Variants in PAX3 observed in about 807,000 individuals in gnomAD.
The protein encoded by PAX3 is paired box 3.
Under a neutral mutation model 51.6 loss-of-function variants are expected in PAX3, and 14 were observed. The observed-to-expected ratio is 0.27, with a 90% CI of 0.18 to 0.42. The LOEUF is 0.42. Among genes scored for constraint, PAX3 ranks in the 10% least tolerant of loss-of-function variants. The pLI, the probability that PAX3 is intolerant of heterozygous loss-of-function variation, is 1.00. For synonymous variants in PAX3, 280 were observed against 253.4 expected (o/e 1.11, Z -1.00); for missense variants, 540 against 642.8 (o/e 0.84, Z 1.73).
intron 4 of PAX3, among the ~76,000 whole-genome samples, chr2:222,235,128 TA>T (rs1450804615): frequency 6.6e-6 from 1 of 152,198 alleles, no homozygotes; most frequent in East Asian, 1.9e-4. Flanking sequence ...TCAGATCAAT[TA>T]ATCAAAATCG....
intron 5 of PAX3, among the ~76,000 whole-genome samples, chr2:222,228,515 G>A (rs766408505): frequency 1.4e-4 from 22 of 152,108 alleles, no homozygotes; most frequent in Non-Finnish European, 3.2e-4. Context: ...TTTTGACAAA[G>A]GCAGGAATGA....
rs3832105 is a variant in PAX3 at position 222,201,298 on chromosome 2, A to ACCCC, written c.*106_*109dup. On this transcript the variant is annotated 3_prime_UTR_variant, in exon 9 of 9. Transcript: ENST00000392070. Reference sequence around the variant, plus strand: ...TGTCTCCTATTGGGACCACTGCCCCACCCCCCCCAACAAAAGGGTAATTTT... The same window carrying ACCCC: ...TGTCTCCTATTGGGACCACTGCCCCACCCCCCCCCCCCAACAAAAGGGTAATTTT... The ACCCC allele has an allele frequency of 1.3e-6, 2 of 1,598,666 alleles. No homozygotes were observed. The highest frequency in any genetic ancestry group is 2.7e-5 in the African/African-American group (2 of 72,828).
intron 4 of PAX3, among the ~76,000 whole-genome samples, chr2:222,273,840 A>G (rs45476500): frequency 0.011 from 1,679 of 152,280 alleles, 30 homozygotes; most frequent in African/African-American, 0.038. Flanking sequence ...ATCAAATAAA[A>G]ATTCGACTAA....
chr2:222,256,738 C>T (rs181483650), intron 4 of PAX3, among the ~76,000 whole-genome samples: 109 of 152,274 alleles, frequency 7.2e-4, no homozygotes, highest in Non-Finnish European at 1.4e-3. Flanking sequence ...TCATGTTATG[C>T]TTCAATGACA....
chr2:222,279,883 A>G (rs1474488073), intron 4 of PAX3, among the ~76,000 whole-genome samples: 1 of 152,152 alleles, frequency 6.6e-6, no homozygotes, highest in Non-Finnish European at 1.5e-5. Context: ...TGGTCTCCTT[A>G]TCTGACCAAG....
intron 5 of PAX3, 34 bp from the exon 6 acceptor site, chr2:222,221,421 TGATGAAATAATAGTACATTCTTAATG>T (rs759048827): frequency 6.3e-7 from 1 of 1,576,132 alleles, no homozygotes; most frequent in African/African-American, 1.3e-5. Flanking sequence ...AGGATTTCAC[TGATGAAATAATAGTACATTCTTAATG>T]AATTTTTTAT....
intron 4 of PAX3, among the ~76,000 whole-genome samples, chr2:222,292,484 T>C (rs1695078748): frequency 6.6e-6 from 1 of 152,214 alleles, no homozygotes; most frequent in South Asian, 2.1e-4. Flanking sequence ...CCAGCTCATT[T>C]GGGACGTTTT....
Position 222,201,350 on chromosome 2 carries a change from T to G in PAX3, c.*58A>C. Reference sequence around the variant, plus strand: ...TTTTGTTTTCAGAGCAGATTCTTCATATCTAGGCTGCGAAGACCAGAAACA... The same window carrying G: ...TTTTGTTTTCAGAGCAGATTCTTCAGATCTAGGCTGCGAAGACCAGAAACA... On this transcript the variant is annotated 3_prime_UTR_variant, in exon 9 of 9. Transcript: ENST00000392070. 1 of 1,611,234 alleles carries G rather than the reference T, an allele frequency of 6.2e-7. No homozygotes were observed. The highest frequency in any genetic ancestry group is 1.1e-5 in the South Asian group (1 of 90,986).
chr2:222,235,569 T>C (rs1211546617), intron 4 of PAX3, among the ~76,000 whole-genome samples: 1 of 152,166 alleles, frequency 6.6e-6, no homozygotes, highest in Non-Finnish European at 1.5e-5. Flanking sequence ...CAGAGGATTG[T>C]GGGCTTTTTT....
At chr2:222,237,900 A>G (rs1692860022) in intron 4 of PAX3, among the ~76,000 whole-genome samples, 1 of 152,238 alleles carries the variant, frequency 6.6e-6, no homozygotes, top group Non-Finnish European at 1.5e-5. Context: ...AACTGGAAAC[A>G]TATCAGGATA....
In PAX3 at chr2:222,259,010, C is replaced by T. The variant is rs1693748406; in HGVS notation, c.587-26727G>A. ...GTGGAGTGAGCTACTAAGCCAGCGT[C>T]AACAAGAAGACTAGAATTAAGAAAC... On this transcript the variant is annotated intron_variant, in intron 4 of 8. Transcript: ENST00000392070. 2.0e-5 allele frequency among the ~76,000 whole-genome samples: 3 copies of T among 152,078 alleles called. No homozygotes were observed. The South Asian group carries it at 6.2e-4, about 32-fold the overall frequency.
rs762770074 is a variant in PAX3, at chr2:222,297,311, C to T, written c.86-98G>A. 4.5e-6 allele frequency: 4 copies of T among 883,178 alleles called. No homozygotes were observed. In the South Asian group the frequency reaches 5.7e-5, roughly 13 times the overall value. 54.7% of individuals were successfully genotyped at this position (883,178 alleles called of 1,614,324 possible). A position where few individuals can be genotyped will look rare whatever the true frequency, so the allele number is the denominator to read the frequency against. On this transcript the variant is annotated intron_variant, in intron 1 of 8. Coordinates refer to ENST00000392070, the MANE Select transcript of PAX3 (RefSeq NM_181458.4). ...GTAATTTCGCAGTCTTCTGTCCTATCCTCATGTTACAGCACCGACGCTGAA... is the reference window on the plus strand; with the variant it reads ...GTAATTTCGCAGTCTTCTGTCCTATTCTCATGTTACAGCACCGACGCTGAA...
Position 222,201,353 on chromosome 2 carries a change from C to T in PAX3, c.*55G>A. The T allele has an allele frequency of 3.7e-6, 6 of 1,605,470 alleles. No individual in the cohort carries two copies. The highest frequency in any genetic ancestry group is 5.1e-6 in the Non-Finnish European group (6 of 1,178,694). On this transcript the variant is annotated 3_prime_UTR_variant, in exon 9 of 9. Transcript: ENST00000392070. ...TGTTTTCAGAGCAGATTCTTCATAT[C>T]TAGGCTGCGAAGACCAGAAACAGGG...
chr2:222,246,313 G>A (rs1396797929), intron 4 of PAX3, among the ~76,000 whole-genome samples: 2 of 152,178 alleles, frequency 1.3e-5, no homozygotes, highest in African/African-American at 4.8e-5. Context: ...TGTCAAGACA[G>A]ATGCCAACAT....
chr2:222,251,592 C>T (rs556437489), intron 4 of PAX3, among the ~76,000 whole-genome samples: 1 of 152,114 alleles, frequency 6.6e-6, no homozygotes, highest in Non-Finnish European at 1.5e-5. Context: ...GTCTTTATAG[C>T]AGCATGTTTT....
intron 5 of PAX3, among the ~76,000 whole-genome samples, chr2:222,223,881 T>C (rs143654192): frequency 6.6e-6 from 1 of 152,354 alleles, no homozygotes; most frequent in East Asian, 1.9e-4. Context: ...CCACCTGCCT[T>C]CTGTAACCTT....
intron 3 of PAX3, among the ~76,000 whole-genome samples, chr2:222,295,081 T>A (rs1167776656): frequency 6.6e-6 from 1 of 151,460 alleles, no homozygotes; most frequent in Admixed American, 6.6e-5. Flanking sequence ...GGCGGGGGGC[T>A]CCGGACCGTC....
intron 4 of PAX3, among the ~76,000 whole-genome samples, chr2:222,290,367 ACT>A (rs1694984965): frequency 1.3e-5 from 2 of 152,168 alleles, no homozygotes; most frequent in Non-Finnish European, 2.9e-5. Flanking sequence ...TTAAGAAAGC[ACT>A]CTTTTTTGTA....
chr2:222,227,304 A>C (rs1448184883), intron 5 of PAX3, among the ~76,000 whole-genome samples: 1 of 152,170 alleles, frequency 6.6e-6, no homozygotes, highest in Non-Finnish European at 1.5e-5. Context: ...GCACATCATA[A>C]ATATTTGGGC....
Sources: allele counts gnomAD v4.1 joint callset (sites outside exome capture counted in the v4.1 genomes callset), GRCh38; gene constraint gnomAD v4.1.1; transcripts MANE v1.5; gene names NCBI Gene and HGNC (gene_info 2026-07-23, HGNC 2026-07-21).